Variants in RAI1 observed in about 807,000 individuals in gnomAD.
RAI1 encodes the protein retinoic acid induced 1.
Under a neutral mutation model 123.8 loss-of-function variants are expected in RAI1, and 9 were observed. The observed-to-expected ratio is 0.07, with a 90% CI of 0.04 to 0.13. The LOEUF (loss-of-function observed/expected upper bound fraction) is 0.13, where lower values mean the gene tolerates loss of function less well. Among genes scored for constraint, RAI1 ranks in the 10% least tolerant of loss-of-function variants. The pLI is 1.00. For synonymous variants in RAI1, 1,231 were observed against 1,127.3 expected (o/e 1.09, Z -1.84); for missense variants, 2,256 against 2,545.8 (o/e 0.89, Z 2.45).
chr17:17,746,411 C>T (rs1487251137), intron 2 of RAI1, among the ~76,000 whole-genome samples: 3 of 152,182 alleles, frequency 2.0e-5, no homozygotes, highest in East Asian at 1.9e-4. Flanking sequence ...TGGCTCTGGG[C>T]AGGAGGTAGA....
chr17:17,699,635 G>A lies in RAI1; in HGVS notation c.-149+17842G>A, dbSNP rs565025522. On this transcript the variant is annotated intron_variant, in intron 1 of 5. Transcript: ENST00000353383. ...CCATCCATTGTCGGGGGGCCGGGGG[G>A]GGGGGAATCAAATGAATTGCCAGTG... is the stretch of plus-strand genomic sequence containing the variant. Among the ~76,000 whole-genome samples, 15 of 148,088 alleles carry A rather than the reference G, an allele frequency of 1.0e-4. No individual in the cohort carries two copies. The East Asian group carries it at 2.4e-3, about 24-fold the overall frequency.
At position 17,797,721 on chromosome 17, in the gene RAI1, G is replaced by T. The variant is rs1156240815; in HGVS notation, c.4773G>T (p.Arg1591=). 6.8e-6 allele frequency: 11 copies of T among 1,613,606 alleles called. No homozygotes were observed. Among genetic ancestry groups the T allele is most frequent in the Non-Finnish European group, 9.3e-6 (11 of 1,179,802 alleles). Residue 1591 remains arginine (R), a synonymous_variant, in exon 3 of 6, where the codon CGG becomes CGT. Coordinates refer to ENST00000353383, the MANE Select transcript of RAI1 (RefSeq NM_030665.4). ...GCAAGCGGCTGAGGTCAGACAGCCG[G>T]ACCCCCGCCTTCTCACCCTTCGTGC... The part of the protein sequence containing the change: ...SSCKRLRSDS[R]TPAFSPFVRV...
At chr17:17,702,212 C>G (rs1915245739) in intron 1 of RAI1, among the ~76,000 whole-genome samples, 1 of 152,182 alleles carries the variant, frequency 6.6e-6, no homozygotes, top group Non-Finnish European at 1.5e-5. Context: ...GAGCTCACTC[C>G]AAAGTGTGGA....
chr17:17,724,128 C>G lies in RAI1; in HGVS notation c.-48C>G, dbSNP rs534110466. The G allele has an allele frequency of 6.6e-6, 1 of 150,986 alleles. No homozygotes were observed. Among genetic ancestry groups the G allele is most frequent in the Non-Finnish European group, 1.5e-5 (1 of 67,656 alleles). The allele number at this position is 150,986 out of a possible 1,614,324, so 9.4% of individuals were successfully genotyped here. A position where few individuals can be genotyped will look rare whatever the true frequency, so the allele number is the denominator to read the frequency against. ...AGGGAGACGGCGAGACGCGCAGCGC[C>G]GGCGCCCGGGAGACCCAGGAGGAGC... On this transcript the variant is annotated 5_prime_UTR_variant, in exon 2 of 6. Transcript: ENST00000353383.
rs1157389348 is a variant in RAI1 at position 17,810,478 on chromosome 17, C to T, written c.*497C>T. 7.8e-6 allele frequency: 2 copies of T among 254,814 alleles called. No homozygotes were observed. Among genetic ancestry groups the T allele is most frequent in the Non-Finnish European group, 1.6e-5 (2 of 127,258 alleles). The allele number at this position is 254,814 out of a possible 1,614,324, so 15.8% of individuals were successfully genotyped here. On this transcript the variant is annotated 3_prime_UTR_variant, in exon 6 of 6. Coordinates refer to ENST00000353383, the MANE Select transcript of RAI1 (RefSeq NM_030665.4). This position sits in a 1 kb window ranked among gnomAD's most constrained non-coding sequence, Gnocchi z 4.6. ...TACTGGAAGAGGCGGAGGGCGGCTC[C>T]TAGCTCCGTGGACTAGGCGGGGGAG... is the stretch of plus-strand genomic sequence containing the variant.
intron 1 of RAI1, among the ~76,000 whole-genome samples, chr17:17,688,446 C>T (rs1281863272): frequency 6.6e-6 from 1 of 151,906 alleles, no homozygotes; most frequent in Non-Finnish European, 1.5e-5. Context: ...GATCGTGCCT[C>T]TGCACTCCAG....
At chr17:17,761,407 A>G (rs1287931491) in intron 2 of RAI1, among the ~76,000 whole-genome samples, 2 of 152,020 alleles carry the variant, frequency 1.3e-5, no homozygotes, top group African/African-American at 2.4e-5. Context: ...CTGAGCACCT[A>G]CTCTGTGCCA....
intron 2 of RAI1, among the ~76,000 whole-genome samples, chr17:17,731,168 G>A (rs1422484977): frequency 2.0e-5 from 3 of 152,224 alleles, no homozygotes; most frequent in Admixed American, 2.0e-4. Flanking sequence ...AGCCTGAACC[G>A]GGTCAGCCTG....
At chr17:17,777,431 C>T (rs8066177) in intron 2 of RAI1, 14,219 of 152,312 alleles carry the variant, frequency 0.093, 1,029 homozygotes, top group African/African-American at 0.19. Context: ...AGGCAATAGG[C>T]TTCACCCCGT....
Position 17,810,752 on chromosome 17 carries a change from G to A in RAI1, c.*771G>A, listed in dbSNP as rs1341401879. 1 of 449,264 alleles carries A rather than the reference G, an allele frequency of 2.2e-6. No homozygotes were observed. The highest frequency in any genetic ancestry group is 1.6e-5 in the South Asian group (1 of 64,062). The allele number at this position is 449,264 out of a possible 1,614,324, so 27.8% of individuals were successfully genotyped here. On this transcript the variant is annotated 3_prime_UTR_variant, in exon 6 of 6. Coordinates refer to ENST00000353383, the MANE Select transcript of RAI1 (RefSeq NM_030665.4). This position sits in a 1 kb window ranked among gnomAD's most constrained non-coding sequence, Gnocchi z 4.6. The stretch of plus-strand genomic sequence containing the variant: ...TTTCCAGTCCTCCACCCCACCCCTG[G>A]AGCCCAGCCTGGGAGCGCAAAACCC...
rs541488398 is a variant in RAI1 at position 17,799,032 on chromosome 17, C to T, written c.5565+519C>T. 1.5e-4 allele frequency among the ~76,000 whole-genome samples: 23 copies of T among 152,334 alleles called. No homozygotes were observed. The highest frequency in any genetic ancestry group is 4.8e-4 in the African/African-American group (20 of 41,568). ...ATGGACCCAGTCACAGGGTTCCTCC[C>T]TCTGCAGGACAGTCCATGGGGTCAC... On this transcript the variant is annotated intron_variant, in intron 3 of 5. Transcript: ENST00000353383. This position sits in a 1 kb window ranked among gnomAD's most constrained non-coding sequence, Gnocchi z 4.5.
intron 2 of RAI1, among the ~76,000 whole-genome samples, chr17:17,775,201 A>ATATT (rs779126226): frequency 1.5e-4 from 19 of 123,438 alleles, no homozygotes; most frequent in African/African-American, 5.9e-4. Context: ...TTCATGTGTA[A>ATATT]TTTTTTTTTT....
At chr17:17,704,890 A>G (rs1012451220) in intron 1 of RAI1, among the ~76,000 whole-genome samples, 3 of 151,712 alleles carry the variant, frequency 2.0e-5, no homozygotes, top group African/African-American at 7.3e-5. Flanking sequence ...GGGTCATGTG[A>G]CCAGTTATGG....
At chr17:17,774,622 C>A in intron 2 of RAI1, among the ~76,000 whole-genome samples, 1 of 152,402 alleles carries the variant, frequency 6.6e-6, no homozygotes, top group East Asian at 1.9e-4. Context: ...AGCCAGGTTT[C>A]TGTCACTTCA....
intron 1 of RAI1, among the ~76,000 whole-genome samples, chr17:17,705,602 T>TG (rs1478735752): frequency 6.6e-6 from 1 of 152,122 alleles, no homozygotes; most frequent in African/African-American, 2.4e-5. Context: ...AGCACACACT[T>TG]GCAGTCCCAG....
intron 1 of RAI1, among the ~76,000 whole-genome samples, chr17:17,712,375 T>C (rs975424564): frequency 6.6e-6 from 1 of 152,248 alleles, no homozygotes; most frequent in Non-Finnish European, 1.5e-5. Context: ...AAGGGGCAGC[T>C]AGTGCAAAGG....
At chr17:17,754,537 C>T (rs2030355696) in intron 2 of RAI1, among the ~76,000 whole-genome samples, 1 of 152,172 alleles carries the variant, frequency 6.6e-6, no homozygotes, top group South Asian at 2.1e-4. Flanking sequence ...CGCCCAGCCT[C>T]CCTAACCTGA....
At chr17:17,782,385 G>C (rs2031618996) in intron 2 of RAI1, among the ~76,000 whole-genome samples, 1 of 152,044 alleles carries the variant, frequency 6.6e-6, no homozygotes, top group East Asian at 2.0e-4. Context: ...TGGCGTTGGG[G>C]AGGGCAGAGC....
chr17:17,741,718 G>A (rs1282134665), intron 2 of RAI1, among the ~76,000 whole-genome samples: 1 of 152,226 alleles, frequency 6.6e-6, no homozygotes, highest in Admixed American at 6.5e-5. Flanking sequence ...GAAAGCAAGA[G>A]AATCCCCGAG....
Sources: gnomAD v4.1 joint callset for allele counts (sites outside exome capture counted in the v4.1 genomes callset) on GRCh38, gnomAD v4.1.1 for gene constraint, Gnocchi (gnomAD v3.1) non-coding constraint, MANE v1.5 for transcripts, NCBI Gene and HGNC (gene_info 2026-07-23, HGNC 2026-07-21) for gene names.